Variants in UBE2F observed in about 807,000 individuals in gnomAD.
UBE2F encodes the protein ubiquitin conjugating enzyme E2 F (putative).
UBE2F carries 5 observed loss-of-function variants against 29.6 expected under a neutral mutation model. The ratio of observed to expected loss-of-function variants is 0.17; its 90% confidence interval spans 0.09 to 0.36. The LOEUF (loss-of-function observed/expected upper bound fraction) is 0.36. UBE2F is among the 10% of genes least tolerant of loss of function. The pLI is 1.00. For missense variants in UBE2F, 141 were observed against 228.5 expected (o/e 0.62, Z 2.47); for synonymous variants, 66 against 81.8 (o/e 0.81, Z 1.04).
intron 9 of UBE2F, among the ~76,000 whole-genome samples, chr2:238,037,699 G>T (rs950341679): frequency 6.6e-6 from 1 of 152,024 alleles, no homozygotes; most frequent in Admixed American, 6.6e-5. Flanking sequence ...TCTATCTCCC[G>T]GGTTCAGGCA....
intron 4 of UBE2F, among the ~76,000 whole-genome samples, chr2:238,004,665 T>C (rs1280829851): frequency 5.9e-5 from 9 of 152,160 alleles, no homozygotes; most frequent in Non-Finnish European, 1.3e-4. Context: ...TGTGTTATGT[T>C]TCATGGCAAA....
chr2:238,037,206 C>T (rs189371598), intron 9 of UBE2F, among the ~76,000 whole-genome samples: 259 of 152,158 alleles, frequency 1.7e-3, no homozygotes, highest in African/African-American at 6.0e-3. Flanking sequence ...TAAGGAAGAC[C>T]GTTTACCTAG....
intron 4 of UBE2F, among the ~76,000 whole-genome samples, chr2:237,996,502 T>G (rs1226619918): frequency 6.7e-6 from 1 of 149,606 alleles, no homozygotes; most frequent in African/African-American, 2.5e-5. Context: ...TGAGACCAAG[T>G]CTCACTCTGC....
At chr2:238,033,975 G>A (rs1161146553) in intron 8 of UBE2F, among the ~76,000 whole-genome samples, 2 of 152,150 alleles carry the variant, frequency 1.3e-5, no homozygotes, top group African/African-American at 4.8e-5. Flanking sequence ...GGCCCTTCTA[G>A]GGGCCCATAT....
intron 9 of UBE2F, 108 bp downstream of exon 9, chr2:238,036,048 G>A (rs2064700883): frequency 2.2e-5 from 22 of 982,934 alleles, no homozygotes; most frequent in Non-Finnish European, 3.3e-5. Context: ...AGAGTGGTGG[G>A]ATGCAAGGCT....
intron 4 of UBE2F, among the ~76,000 whole-genome samples, chr2:237,995,643 G>A (rs979238941): frequency 6.6e-6 from 1 of 152,184 alleles, no homozygotes; most frequent in Admixed American, 6.5e-5. Context: ...CAGGATTTTG[G>A]TAGGTGGCAA....
At chr2:237,994,592 T>C (rs748775419) in intron 3 of UBE2F, 152 bp from the exon 4 acceptor site, 8 of 607,862 alleles carry the variant, frequency 1.3e-5, no homozygotes, top group Non-Finnish European at 2.1e-5. Flanking sequence ...GCACGATTAT[T>C]ATCAGACAAA....
chr2:238,041,443 C>T lies in UBE2F; in HGVS notation c.*105C>T. 4.4e-6 allele frequency: 5 copies of T among 1,147,998 alleles called. No homozygotes were observed. Among genetic ancestry groups the T allele is most frequent in the Non-Finnish European group, 6.5e-6 (5 of 770,692 alleles). The allele number at this position is 1,147,998 out of a possible 1,614,324, so 71.1% of individuals were successfully genotyped here. On this transcript the variant is annotated 3_prime_UTR_variant, in exon 10 of 10. Transcript: ENST00000272930. ...CCGTCCTCATGCTCCCTCTCAGTCC[C>T]CTGGATTGCCCCAGTCCTGTGACCA...
intron 9 of UBE2F, among the ~76,000 whole-genome samples, chr2:238,036,837 A>T (rs999165465): frequency 1.3e-5 from 2 of 152,068 alleles, no homozygotes; most frequent in African/African-American, 4.8e-5. Flanking sequence ...TAAATAAGTA[A>T]ATAGTAGGAA....
At chr2:238,001,087 TG>T (rs1281379589) in intron 4 of UBE2F, among the ~76,000 whole-genome samples, 2 of 140,906 alleles carry the variant, frequency 1.4e-5, no homozygotes, top group Admixed American at 1.6e-4. Context: ...CAGGCTGGAG[TG>T]CAATGGTGCA....
At chr2:237,999,704 A>T (rs1433916075) in intron 4 of UBE2F, among the ~76,000 whole-genome samples, 2 of 151,662 alleles carry the variant, frequency 1.3e-5, no homozygotes, top group African/African-American at 2.4e-5. Context: ...TTTGGACTTG[A>T]TTCTGTTCCA....
intron 5 of UBE2F, among the ~76,000 whole-genome samples, chr2:238,017,136 C>T (rs2064174748): frequency 6.6e-6 from 1 of 152,128 alleles, no homozygotes; most frequent in Admixed American, 6.5e-5. Context: ...GTGGAACTTA[C>T]AGACCAATTA....
Position 237,988,005 on chromosome 2 carries a change from TC to T in UBE2F, c.148+17del. On this transcript the variant is annotated intron_variant, in intron 3 of 9. Transcript: ENST00000272930. Reference sequence around the variant, plus strand: ...GCTAATTTACCTTGTAAGTATAGCATCCCCAAACACTAAGTACTGTGAAATA... The same window carrying T: ...GCTAATTTACCTTGTAAGTATAGCATCCCAAACACTAAGTACTGTGAAATA... 1 of 1,495,422 alleles carries T rather than the reference TC, an allele frequency of 6.7e-7. No homozygotes were observed. Among genetic ancestry groups the T allele is most frequent in the Non-Finnish European group, 9.0e-7 (1 of 1,115,264 alleles). The allele number at this position is 1,495,422 out of a possible 1,614,324, so 92.6% of individuals were successfully genotyped here.
At chr2:238,012,061 T>TTG (rs1200051307) in intron 4 of UBE2F, among the ~76,000 whole-genome samples, 3 of 150,910 alleles carry the variant, frequency 2.0e-5, no homozygotes, top group Non-Finnish European at 4.4e-5. Context: ...TTTTTTTTTT[T>TTG]TCTGTGGAGA....
At chr2:238,027,279 C>T (rs1177900674) in intron 6 of UBE2F, among the ~76,000 whole-genome samples, 1 of 152,144 alleles carries the variant, frequency 6.6e-6, no homozygotes, top group African/African-American at 2.4e-5. Flanking sequence ...TGTAAATAGT[C>T]CTTACTATTC....
At chr2:237,999,288 T>G (rs563369440) in intron 4 of UBE2F, among the ~76,000 whole-genome samples, 1 of 152,316 alleles carries the variant, frequency 6.6e-6, no homozygotes, top group African/African-American at 2.4e-5. Context: ...CAGGATGGTC[T>G]CAAACTCTTG....
intron 6 of UBE2F, among the ~76,000 whole-genome samples, chr2:238,026,165 C>G (rs2064423281): frequency 6.6e-6 from 1 of 152,238 alleles, no homozygotes; most frequent in African/African-American, 2.4e-5. Flanking sequence ...GCCCCCACCC[C>G]TGCCCGGCTG....
At chr2:238,038,918 C>T (rs1405483056) in intron 9 of UBE2F, among the ~76,000 whole-genome samples, 2 of 152,200 alleles carry the variant, frequency 1.3e-5, no homozygotes, top group African/African-American at 2.4e-5. Flanking sequence ...GCACACATTC[C>T]GGCAGGAGGA....
At chr2:237,974,722 C>G (rs2063244489) in intron 2 of UBE2F, among the ~76,000 whole-genome samples, 1 of 150,060 alleles carries the variant, frequency 6.7e-6, no homozygotes, top group South Asian at 2.1e-4. Flanking sequence ...GCCACGTTGG[C>G]CAGGCTGGTC....
Sources: gnomAD v4.1 joint callset for allele counts (sites outside exome capture counted in the v4.1 genomes callset) on GRCh38, gnomAD v4.1.1 for gene constraint, MANE v1.5 for transcripts, NCBI Gene and HGNC (gene_info 2026-07-23, HGNC 2026-07-21) for gene names.